The following SNRNP70 variants were observed in gnomAD, a reference collection of about 807,000 sequenced individuals.
The protein encoded by SNRNP70 is U1 small nuclear ribonucleoprotein 70 kDa.
Under a neutral mutation model 50.5 loss-of-function variants are expected in SNRNP70, and 8 were observed. The observed-to-expected ratio is 0.16, with a 90% CI of 0.09 to 0.29. The LOEUF (loss-of-function observed/expected upper bound fraction) is 0.29. SNRNP70 is among the 10% of genes least tolerant of loss of function. SNRNP70 has a pLI of 1.00. For missense variants in SNRNP70, 529 were observed against 663.5 expected (o/e 0.80, Z 2.23); for synonymous variants, 320 against 252.9 (o/e 1.27, Z -2.52).
rs2122416294 is a variant in SNRNP70 at position 49,107,838 on chromosome 19, C to G, written c.709C>G (p.Arg237Gly). 1 of 1,577,648 alleles carries G rather than the reference C, an allele frequency of 6.3e-7. No homozygotes were observed. Among genetic ancestry groups the G allele is most frequent in the Admixed American group, 1.8e-5 (1 of 54,260 alleles). Residue 237 changes from arginine (R) to glycine (G), a missense_variant, in exon 10 of 10, where the codon CGT becomes GGT. Transcript: ENST00000598441. The surrounding 1 kb of genome is among the most constrained non-coding windows in gnomAD (Gnocchi z 6.0). ...PLPHRDRDRD[R>G]ERERRERSRE... ...TCCGCACAGGGACCGGGACCGGGAC[C>G]GTGAGCGGGAGCGCAGAGAGCGGAG...
In SNRNP70 at chr19:49,108,017, G is replaced by C; in HGVS notation, c.888G>C (p.Arg296=). ...GGAAGCGGCGAAGCAGCCGGAGTCG[G>C]GAGCGGGCCCGGCGGGAGCGGGAGC... ...RDRKRRSSRS[R]ERARRERERK... The change falls in exon 10 of 10, where the codon CGG becomes CGC. Residue 296 remains arginine (R), a synonymous_variant. Coordinates refer to ENST00000598441, the MANE Select transcript of SNRNP70 (RefSeq NM_003089.6). The C allele has an allele frequency of 6.5e-7, 1 of 1,548,244 alleles. No individual in the cohort carries two copies. Among genetic ancestry groups the C allele is most frequent in the Non-Finnish European group, 8.7e-7 (1 of 1,146,478 alleles).
At chr19:49,087,707 C>G (rs1246702324) in intron 2 of SNRNP70, 2 of 152,212 alleles carry the variant, frequency 1.3e-5, no homozygotes, top group African/African-American at 2.4e-5. Flanking sequence ...GAAGAACGTT[C>G]TAGCATTGGG....
chr19:49,098,537 C>T, intron 5 of SNRNP70, 46 bp downstream of exon 5: 2 of 1,602,862 alleles, frequency 1.2e-6, no homozygotes, highest in Non-Finnish European at 1.7e-6. Flanking sequence ...CTGCTGAGAG[C>T]CTGGGTCTGG....
Position 49,104,522 on chromosome 19 carries a change from C to G in SNRNP70, c.476-112C>G, listed in dbSNP as rs982642935. On this transcript the variant is annotated intron_variant, in intron 7 of 9. Transcript: ENST00000598441. The surrounding 1 kb of genome is among the most constrained non-coding windows in gnomAD (Gnocchi z 5.4). ...TGCCTGGCTGTCTGTTGGGCGTGTGCGTGTGCGTGATGATGGGGACACGGG... is the reference window on the plus strand; with the variant it reads ...TGCCTGGCTGTCTGTTGGGCGTGTGGGTGTGCGTGATGATGGGGACACGGG... 2.5e-6 allele frequency: 2 copies of G among 794,740 alleles called. No individual in the cohort carries two copies. The highest frequency in any genetic ancestry group is 1.5e-5 in the South Asian group (1 of 67,292). 49.2% of individuals were successfully genotyped at this position (794,740 alleles called of 1,614,324 possible).
chr19:49,107,491 C>G lies in SNRNP70; in HGVS notation c.578-134C>G. On this transcript the variant is annotated intron_variant, in intron 8 of 9. Transcript: ENST00000598441. The surrounding 1 kb of genome is among the most constrained non-coding windows in gnomAD (Gnocchi z 6.0). ...ATGGGAGTGCGCGGGATGAACTGCA[C>G]GGGGGGACCCGGCCCTGTGAACACT... 1 of 760,446 alleles carries G rather than the reference C, an allele frequency of 1.3e-6. No individual in the cohort carries two copies. The highest frequency in any genetic ancestry group is 2.2e-6 in the Non-Finnish European group (1 of 448,900). The allele number at this position is 760,446 out of a possible 1,614,324, so 47.1% of individuals were successfully genotyped here.
chr19:49,088,033 A>C (rs2040403277), intron 2 of SNRNP70, among the ~76,000 whole-genome samples: 1 of 151,688 alleles, frequency 6.6e-6, no homozygotes, highest in Non-Finnish European at 1.5e-5. Context: ...CTGGGATTAC[A>C]GGCATGCACC....
chr19:49,099,812 C>T (rs2040559646), intron 6 of SNRNP70, among the ~76,000 whole-genome samples: 1 of 151,888 alleles, frequency 6.6e-6, no homozygotes, highest in South Asian at 2.1e-4. Flanking sequence ...GAGGGCGAGG[C>T]AGGCAGATCA....
chr19:49,090,247 T>G (rs2040431349), intron 2 of SNRNP70, 44 bp from the exon 3 acceptor site: 1 of 1,563,222 alleles, frequency 6.4e-7, no homozygotes, highest in African/African-American at 1.4e-5. Context: ...CCTTGCCATT[T>G]CCCCCAGTCC....
At chr19:49,088,401 G>A (rs566064477) in intron 2 of SNRNP70, among the ~76,000 whole-genome samples, 3 of 150,694 alleles carry the variant, frequency 2.0e-5, no homozygotes, top group Admixed American at 1.3e-4. Context: ...GGGTTTCACC[G>A]TGTTAGCCAG....
chr19:49,087,038 T>G (rs1393400637), intron 2 of SNRNP70, among the ~76,000 whole-genome samples: 1 of 151,664 alleles, frequency 6.6e-6, no homozygotes, highest in Non-Finnish European at 1.5e-5. Flanking sequence ...ATAACAAAAA[T>G]TAGCCGGACA....
chr19:49,100,546 C>T (rs1461620643), intron 6 of SNRNP70, among the ~76,000 whole-genome samples: 2 of 152,300 alleles, frequency 1.3e-5, no homozygotes, highest in East Asian at 3.9e-4. Flanking sequence ...GTGGCTCACG[C>T]CCGTAATCCC....
intron 2 of SNRNP70, 24 bp from the exon 3 acceptor site, chr19:49,090,267 T>G: frequency 6.2e-7 from 1 of 1,610,858 alleles, no homozygotes; most frequent in Non-Finnish European, 8.5e-7. Flanking sequence ...CTTCCCACCC[T>G]GTCACCTCTC....
intron 6 of SNRNP70, among the ~76,000 whole-genome samples, chr19:49,099,987 A>C (rs2040562488): frequency 2.0e-5 from 3 of 152,208 alleles, no homozygotes; most frequent in South Asian, 2.1e-4. Flanking sequence ...TGCCTTGCAC[A>C]GCCCAGTGAC....
Position 49,107,751 on chromosome 19 carries a change from T to G in SNRNP70, c.665+39T>G. The G allele has an allele frequency of 6.2e-7, 1 of 1,611,718 alleles. No homozygotes were observed. Among genetic ancestry groups the G allele is most frequent in the Non-Finnish European group, 8.5e-7 (1 of 1,179,332 alleles). ...ACCGGTGTCCTGGGGTGGGGGGCGGTCACGGGGGGAGCCCAGCCACACAGG... is the reference window on the plus strand; with the variant it reads ...ACCGGTGTCCTGGGGTGGGGGGCGGGCACGGGGGGAGCCCAGCCACACAGG... On this transcript the variant is annotated intron_variant, in intron 9 of 9. Coordinates refer to ENST00000598441, the MANE Select transcript of SNRNP70 (RefSeq NM_003089.6). The surrounding 1 kb of genome is among the most constrained non-coding windows in gnomAD (Gnocchi z 6.0).
intron 7 of SNRNP70, chr19:49,101,805 C>A (rs192616805): frequency 2.3e-5 from 9 of 392,100 alleles, no homozygotes; most frequent in Non-Finnish European, 3.9e-5. Flanking sequence ...CTCCCCCATT[C>A]CCCCCACTGA....
chr19:49,108,002 AAG>A lies in SNRNP70; in HGVS notation c.874_875del (p.Ser292GlnfsTer32). The stretch of plus-strand genomic sequence containing the variant: ...ACAAGGACCGGGACCGGAAGCGGCG[AAG>A]CAGCCGGAGTCGGGAGCGGGCCCGG... ...KDKDRDRKRRSSRSRERARRE... is the reference protein window; with the variant it reads ...KDKDRDRKRRXSRSRERARRE... On this transcript the variant is annotated frameshift_variant, in exon 10 of 10. Transcript: ENST00000598441. LOFTEE classifies it high-confidence loss of function. 1 of 1,547,646 alleles carries A rather than the reference AAG, an allele frequency of 6.5e-7. No homozygotes were observed. The highest frequency in any genetic ancestry group is 2.4e-5 in the East Asian group (1 of 40,938).
chr19:49,085,614 C>G lies in SNRNP70; in HGVS notation c.-33C>G, dbSNP rs757211363. On this transcript the variant is annotated 5_prime_UTR_variant, in exon 1 of 10. Transcript: ENST00000598441. ...CCGCCGCGAGCCTCCGGACAGACGC[C>G]AGAGCGAGGAGGGCGCTACGCGGTG... 5 of 455,966 alleles carry G rather than the reference C, an allele frequency of 1.1e-5. No homozygotes were observed. The highest frequency in any genetic ancestry group is 1.0e-4 in the African/African-American group (5 of 50,082). 28.2% of individuals were successfully genotyped at this position (455,966 alleles called of 1,614,324 possible). A position where few individuals can be genotyped will look rare whatever the true frequency, so the allele number is the denominator to read the frequency against.
At chr19:49,100,150 G>A (rs1240980497) in intron 6 of SNRNP70, among the ~76,000 whole-genome samples, 1 of 152,186 alleles carries the variant, frequency 6.6e-6, no homozygotes, top group African/African-American at 2.4e-5. Flanking sequence ...TTAGGGACCA[G>A]CTCAAATGCT....
rs1330016160 is a variant in SNRNP70 at position 49,108,106 on chromosome 19, C to T, written c.977C>T (p.Pro326Leu). 5 of 1,550,256 alleles carry T rather than the reference C, an allele frequency of 3.2e-6. No individual in the cohort carries two copies. The highest frequency in any genetic ancestry group is 1.4e-5 in the African/African-American group (1 of 73,650). Residue 326 changes from proline (P) to leucine (L), a missense_variant, in exon 10 of 10, where the codon CCC (proline) becomes CTC (leucine). This residue lies in a region of SNRNP70 where 327 missense variants were observed against 308.8 expected (regional missense o/e 1.06). Transcript: ENST00000598441. Reference sequence around the variant, plus strand: ...GAGCCCTCCGAGGCGGGTGACGCGCCCCCTGATGATGGGCCTCCAGGGGAG... The same window carrying T: ...GAGCCCTCCGAGGCGGGTGACGCGCTCCCTGATGATGGGCCTCCAGGGGAG... ...MAEPSEAGDA[P>L]PDDGPPGELG...
Sources: gnomAD v4.1 joint callset for allele counts (sites outside exome capture counted in the v4.1 genomes callset) on GRCh38, gnomAD v4.1.1 for gene constraint, gnomAD v4.1.1 regional missense constraint, Gnocchi (gnomAD v3.1) non-coding constraint, MANE v1.5 for transcripts, NCBI Gene and HGNC (gene_info 2026-07-23, HGNC 2026-07-21) for gene names.